SLAIN1: variants seen among roughly 807,000 people sequenced by gnomAD.
SLAIN1 encodes the protein SLAIN family member 1.
In SLAIN1, 17 loss-of-function variants were observed where a neutral mutation model predicts 55.4. The observed-to-expected ratio is 0.31, with a 90% CI of 0.21 to 0.46. The LOEUF (loss-of-function observed/expected upper bound fraction) is 0.46. SLAIN1 is among the 20% of genes least tolerant of loss of function. The probability of loss-of-function intolerance (pLI) is 1.00; values close to 1 mark genes in which losing one functional copy is unlikely to be tolerated. For missense variants in SLAIN1, 682 were observed against 785.1 expected (o/e 0.87, Z 1.57); for synonymous variants, 348 against 337.4 (o/e 1.03, Z -0.35).
At chr13:77,762,611 G>T (rs1418820697) in intron 6 of SLAIN1, among the ~76,000 whole-genome samples, 1 of 152,058 alleles carries the variant, frequency 6.6e-6, no homozygotes, top group East Asian at 1.9e-4. Context: ...TGTTGCCCAA[G>T]CTGGTCTTGA....
In SLAIN1 at chr13:77,698,260, G is replaced by A; in HGVS notation, c.347G>A (p.Gly116Asp). 7.1e-7 allele frequency: 1 copy of A among 1,400,456 alleles called. No individual in the cohort carries two copies. 86.8% of individuals were successfully genotyped at this position (1,400,456 alleles called of 1,614,324 possible). A position where few individuals can be genotyped will look rare whatever the true frequency, so the allele number is the denominator to read the frequency against. The change falls in exon 1 of 7, where the codon GGT (glycine) becomes GAT (aspartate). Residue 116 changes from glycine (G) to aspartate (D), a missense_variant. By Grantham distance (94) the Gly-to-Asp change is moderately conservative (BLOSUM62 -1). Around this residue, in one of 3 missense-constraint regions of SLAIN1, gnomAD observed 401 missense variants for 417.3 expected, o/e 0.96. Transcript: ENST00000418532. The surrounding 1 kb of genome is among the most constrained non-coding windows in gnomAD (Gnocchi z 4.1). ...GGGGSGSGSG[G>D]GSSPAFPGTF... is the part of the protein sequence containing the mutation. Reference sequence around the variant, plus strand: ...GGCGGCAGCGGTAGTGGCAGCGGCGGTGGCTCCAGCCCCGCGTTCCCGGGC... The same window carrying A: ...GGCGGCAGCGGTAGTGGCAGCGGCGATGGCTCCAGCCCCGCGTTCCCGGGC...
chr13:77,745,727 C>A (rs954503009), intron 3 of SLAIN1, among the ~76,000 whole-genome samples: 4 of 152,074 alleles, frequency 2.6e-5, no homozygotes, highest in African/African-American at 4.8e-5. Context: ...TTAATAGATA[C>A]ATTTTTAAGG....
rs565888239 is a variant in SLAIN1 at position 77,700,153 on chromosome 13, T to A, written c.626+1614T>A. Among the ~76,000 whole-genome samples, 5 of 152,252 alleles carry A rather than the reference T, an allele frequency of 3.3e-5. No homozygotes were observed. In the East Asian group the frequency reaches 9.6e-4, roughly 29 times the overall value. On this transcript the variant is annotated intron_variant, in intron 1 of 6. Coordinates refer to ENST00000418532, the MANE Select transcript of SLAIN1 (RefSeq NM_001242868.2). ...AATCTATTAATAACTTTCCTTCTTT[T>A]GAATGGATTTCTGTCATATTTAGTT...
At chr13:77,705,160 T>G (rs2091076713) in intron 1 of SLAIN1, among the ~76,000 whole-genome samples, 1 of 151,766 alleles carries the variant, frequency 6.6e-6, no homozygotes, top group Admixed American at 6.6e-5. Flanking sequence ...GAACCAAATA[T>G]TTTGAGAATA....
intron 1 of SLAIN1, among the ~76,000 whole-genome samples, chr13:77,699,795 AAAC>A (rs1379577341): frequency 6.6e-6 from 1 of 152,182 alleles, no homozygotes; most frequent in Non-Finnish European, 1.5e-5. Context: ...TAAAAAAATC[AAAC>A]AACTCATCAC....
intron 5 of SLAIN1, among the ~76,000 whole-genome samples, chr13:77,754,182 A>T (rs1874436608): frequency 6.6e-6 from 1 of 152,154 alleles, no homozygotes; most frequent in South Asian, 2.1e-4. Flanking sequence ...CGTCAACCGG[A>T]TGTTTTAAGT....
Position 77,763,256 on chromosome 13 carries a change from G to T in SLAIN1, c.*36G>T. Reference sequence around the variant, plus strand: ...TGTACCCTTGAAAAATGGGAAAGAAGTAAAAATGAGGGTTGTGTTACCTAG... The same window carrying T: ...TGTACCCTTGAAAAATGGGAAAGAATTAAAAATGAGGGTTGTGTTACCTAG... On this transcript the variant is annotated 3_prime_UTR_variant, in exon 7 of 7. Transcript: ENST00000418532. The T allele has an allele frequency of 6.5e-7, 1 of 1,543,834 alleles. No individual in the cohort carries two copies. Among genetic ancestry groups the T allele is most frequent in the Non-Finnish European group, 9.0e-7 (1 of 1,117,184 alleles).
chr13:77,744,897 T>C (rs145026485), intron 3 of SLAIN1, among the ~76,000 whole-genome samples: 2 of 152,190 alleles, frequency 1.3e-5, no homozygotes, highest in Non-Finnish European at 2.9e-5. Flanking sequence ...GTATAACTCA[T>C]CAATAAAGAG....
At chr13:77,703,747 T>C (rs2091054225) in intron 1 of SLAIN1, among the ~76,000 whole-genome samples, 1 of 151,828 alleles carries the variant, frequency 6.6e-6, no homozygotes, top group South Asian at 2.1e-4. Context: ...TACAGAGAAC[T>C]AAAGATTCGT....
intron 1 of SLAIN1, among the ~76,000 whole-genome samples, chr13:77,699,743 C>G (rs117125834): frequency 0.013 from 2,044 of 152,214 alleles, 43 homozygotes; most frequent in East Asian, 0.019. Flanking sequence ...ATTCATCATC[C>G]ACCTTAATAC....
intron 2 of SLAIN1, among the ~76,000 whole-genome samples, chr13:77,739,578 A>G (rs1873308137): frequency 1.3e-5 from 2 of 152,088 alleles, no homozygotes; most frequent in Admixed American, 1.3e-4. Flanking sequence ...TTGCTTTCTT[A>G]AATTTGATTT....
chr13:77,744,877 A>G (rs1873707951), intron 3 of SLAIN1, among the ~76,000 whole-genome samples: 1 of 152,132 alleles, frequency 6.6e-6, no homozygotes, highest in Non-Finnish European at 1.5e-5. Flanking sequence ...TGTTACATCT[A>G]TACCATGGAG....
chr13:77,728,536 T>A (rs1047411436), intron 2 of SLAIN1, among the ~76,000 whole-genome samples: 3 of 152,210 alleles, frequency 2.0e-5, no homozygotes, highest in Non-Finnish European at 2.9e-5. Flanking sequence ...CCATCTGTCA[T>A]TTCCTCTGGG....
At chr13:77,758,127 G>T (rs999524139) in intron 5 of SLAIN1, among the ~76,000 whole-genome samples, 4 of 151,936 alleles carry the variant, frequency 2.6e-5, no homozygotes, top group South Asian at 2.1e-4. Context: ...GGCCATTCTT[G>T]CAGGGTAAGG....
At chr13:77,704,388 CATAG>C (rs2091072228) in intron 1 of SLAIN1, among the ~76,000 whole-genome samples, 1 of 29,970 alleles carries the variant, frequency 3.3e-5, no homozygotes, top group South Asian at 1.4e-3. Flanking sequence ...TGTATATATA[CATAG>C]AAACTGTATA....
At chr13:77,747,576 C>T (rs536569203) in intron 4 of SLAIN1, among the ~76,000 whole-genome samples, 4 of 152,232 alleles carry the variant, frequency 2.6e-5, no homozygotes, top group Middle Eastern at 3.4e-3. Context: ...CTGTCTGTTC[C>T]TAGCACAGAG....
intron 1 of SLAIN1, among the ~76,000 whole-genome samples, chr13:77,718,873 C>T (rs1029451954): frequency 1.3e-5 from 2 of 152,110 alleles, no homozygotes; most frequent in Non-Finnish European, 2.9e-5. Context: ...TGCAGTGCCT[C>T]CGGGTAGTCA....
At chr13:77,732,050 T>C (rs1029808063) in intron 2 of SLAIN1, among the ~76,000 whole-genome samples, 1 of 152,122 alleles carries the variant, frequency 6.6e-6, no homozygotes, top group Non-Finnish European at 1.5e-5. Context: ...TAGTTTTCCC[T>C]TGGTCAGAAC....
chr13:77,720,651 T>C (rs978670977), intron 2 of SLAIN1, among the ~76,000 whole-genome samples: 1 of 152,166 alleles, frequency 6.6e-6, no homozygotes, highest in African/African-American at 2.4e-5. Flanking sequence ...GAACTCATCT[T>C]TAGAGGTGAG....
Sources: allele counts gnomAD v4.1 joint callset (sites outside exome capture counted in the v4.1 genomes callset), GRCh38; gene constraint gnomAD v4.1.1; regional missense constraint gnomAD v4.1.1; non-coding constraint Gnocchi (gnomAD v3.1); transcripts MANE v1.5; gene names NCBI Gene and HGNC (gene_info 2026-07-23, HGNC 2026-07-21).